Variants in ARFIP1 observed in about 807,000 individuals in gnomAD.
ARFIP1 encodes the protein ARF interacting protein 1.
Under a neutral mutation model 42.5 loss-of-function variants are expected in ARFIP1, and 24 were observed. The ratio of observed to expected loss-of-function variants is 0.57; its 90% confidence interval spans 0.41 to 0.80. ARFIP1 has a LOEUF of 0.80. ARFIP1 is among the 30% of genes least tolerant of loss of function. The pLI is 0.00. For synonymous variants in ARFIP1, 141 were observed against 153.7 expected, an observed-to-expected ratio of 0.92 and a Z score of 0.61; for missense variants, 354 against 434.0, an observed-to-expected ratio of 0.82 and a Z score of 1.64.
At chr4:152,883,701 T>C (rs1008238419) in intron 7 of ARFIP1, among the ~76,000 whole-genome samples, 3 of 151,084 alleles carry the variant, frequency 2.0e-5, no homozygotes, top group Non-Finnish European at 4.4e-5. Flanking sequence ...TTAATAAATA[T>C]ATTAATAAAT....
At chr4:152,796,046 T>TA (rs572569114) in intron 1 of ARFIP1, 7,023 of 700,126 alleles carry the variant, frequency 0.01, 93 homozygotes, top group South Asian at 0.015. Context: ...GCTCAATAAT[T>TA]ATATATAAAA....
chr4:152,828,227 A>G (rs1284851874), intron 1 of ARFIP1, among the ~76,000 whole-genome samples: 1 of 152,234 alleles, frequency 6.6e-6, no homozygotes, highest in African/African-American at 2.4e-5. Flanking sequence ...GGCAAATACC[A>G]AAGAACACAA....
chr4:152,872,335 AC>A (rs200136118), intron 4 of ARFIP1, 116 bp from the exon 5 acceptor site: 1 of 605,886 alleles, frequency 1.7e-6, no homozygotes, highest in South Asian at 1.9e-5. Flanking sequence ...CTTTGTGGGA[AC>A]CTTTTTTTCT....
At chr4:152,807,196 T>TC (rs1554022596) in intron 1 of ARFIP1, 2 of 151,760 alleles carry the variant, frequency 1.3e-5, no homozygotes, top group Non-Finnish European at 2.9e-5. Context: ...CTTTTTTTTT[T>TC]TTTCTAGTTT....
intron 8 of ARFIP1, among the ~76,000 whole-genome samples, chr4:152,900,415 T>C (rs1737729306): frequency 6.6e-6 from 1 of 152,162 alleles, no homozygotes; most frequent in African/African-American, 2.4e-5. Flanking sequence ...TCTTAAGGAC[T>C]TTTTTTAACC....
In ARFIP1 at chr4:152,880,537, T is replaced by C. The variant is rs192972979; in HGVS notation, c.412-426T>C. ...TCTTTATTCCTCATTCATACACACA[T>C]ATATATATACAAGTCATTTAAGGGG... On this transcript the variant is annotated intron_variant, in intron 5 of 8. Transcript: ENST00000353617. Among the ~76,000 whole-genome samples, 278 of 151,998 alleles carry C rather than the reference T, an allele frequency of 1.8e-3. 1 individual carries two copies. Among genetic ancestry groups the C allele is most frequent in the African/African-American group, 6.4e-3 (265 of 41,468 alleles).
chr4:152,804,242 A>T (rs10030980), intron 1 of ARFIP1, among the ~76,000 whole-genome samples: 25 of 94,552 alleles, frequency 2.6e-4, no homozygotes, highest in South Asian at 6.4e-4. Flanking sequence ...ATTATATATA[A>T]TATATAATAT....
chr4:152,823,669 T>C (rs1578873689), intron 1 of ARFIP1, among the ~76,000 whole-genome samples: 1 of 148,820 alleles, frequency 6.7e-6, no homozygotes, highest in Admixed American at 6.7e-5. Flanking sequence ...CCCAGCTACT[T>C]GGGAGGCTGA....
intron 8 of ARFIP1, among the ~76,000 whole-genome samples, chr4:152,892,563 A>G (rs1736950970): frequency 1.3e-5 from 2 of 152,174 alleles, no homozygotes; most frequent in Admixed American, 6.5e-5. Flanking sequence ...AAATTTTGAG[A>G]CAGATCAGGA....
At chr4:152,891,657 G>A (rs181375976) in intron 8 of ARFIP1, among the ~76,000 whole-genome samples, 1 of 152,054 alleles carries the variant, frequency 6.6e-6, no homozygotes, top group African/African-American at 2.4e-5. Flanking sequence ...TCTCTTTTAT[G>A]TGTGGTTGCC....
intron 1 of ARFIP1, among the ~76,000 whole-genome samples, chr4:152,793,573 G>A (rs1016417367): frequency 2.6e-5 from 4 of 151,882 alleles, no homozygotes; most frequent in Non-Finnish European, 4.4e-5. Flanking sequence ...CTATGATAAA[G>A]TTTAATTTGT....
intron 1 of ARFIP1, among the ~76,000 whole-genome samples, chr4:152,799,784 A>G (rs1731691040): frequency 1.3e-5 from 2 of 152,198 alleles, no homozygotes; most frequent in Non-Finnish European, 2.9e-5. Flanking sequence ...TCTAGGAAAG[A>G]TTGACAGCCT....
chr4:152,872,544 T>C lies in ARFIP1; in HGVS notation c.391T>C (p.Trp131Arg). ...GGAAAAGTTAGAACTTGTTAGAAAA[T>C]GGAGTCTAAACACCTATAAGGTTTG... ...AMEKLELVRK[W>R]SLNTYKCTRQ... The change falls in exon 5 of 9, where the codon TGG (tryptophan) becomes CGG (arginine). Residue 131 changes from tryptophan to arginine, a missense_variant. Trp to Arg is a moderately radical substitution (Grantham distance 101, BLOSUM62 -3). Transcript: ENST00000353617. 6.2e-7 allele frequency: 1 copy of C among 1,603,526 alleles called. No individual in the cohort carries two copies. The highest frequency in any genetic ancestry group is 8.5e-7 in the Non-Finnish European group (1 of 1,172,446).
At chr4:152,865,001 G>A (rs1012023140) in intron 3 of ARFIP1, among the ~76,000 whole-genome samples, 2 of 146,448 alleles carry the variant, frequency 1.4e-5, no homozygotes, top group Non-Finnish European at 3.0e-5. Flanking sequence ...GGACAGTACT[G>A]TAAAGTAGTA....
intron 1 of ARFIP1, among the ~76,000 whole-genome samples, chr4:152,823,551 C>T (rs1320510525): frequency 6.6e-6 from 1 of 152,090 alleles, no homozygotes; most frequent in Non-Finnish European, 1.5e-5. Context: ...GAGGCCAAGG[C>T]AGAGATCACT....
chr4:152,841,960 G>T (rs1732120457), intron 2 of ARFIP1, among the ~76,000 whole-genome samples: 1 of 152,162 alleles, frequency 6.6e-6, no homozygotes, highest in Non-Finnish European at 1.5e-5. Flanking sequence ...GCGGTCGTCA[G>T]CCAACCTCCC....
chr4:152,841,464 T>C (rs902659771), intron 2 of ARFIP1, among the ~76,000 whole-genome samples: 1 of 152,218 alleles, frequency 6.6e-6, no homozygotes, highest in Non-Finnish European at 1.5e-5. Context: ...TGCTTTTTAA[T>C]GTGTATTTTT....
At chr4:152,846,118 C>T (rs914377607) in intron 2 of ARFIP1, among the ~76,000 whole-genome samples, 106 of 152,198 alleles carry the variant, frequency 7.0e-4, no homozygotes, top group African/African-American at 2.5e-3. Flanking sequence ...AAACCAAATA[C>T]CATATATTCT....
chr4:152,869,676 G>A (rs1205187275), intron 3 of ARFIP1, among the ~76,000 whole-genome samples: 1 of 152,056 alleles, frequency 6.6e-6, no homozygotes, highest in Non-Finnish European at 1.5e-5. Flanking sequence ...CAATCCATCT[G>A]CCTCTGCCTC....
Sources: gnomAD v4.1 joint callset for allele counts (sites outside exome capture counted in the v4.1 genomes callset) on GRCh38, gnomAD v4.1.1 for gene constraint, MANE v1.5 for transcripts, NCBI Gene and HGNC (gene_info 2026-07-23, HGNC 2026-07-21) for gene names.